EYS: variants seen among roughly 807,000 people sequenced by gnomAD.
EYS encodes EGF-like photoreceptor maintenance factor, also known as protein eyes shut homolog.
A neutral mutation model predicts 282.1 loss-of-function variants in EYS; 250 were observed. The observed-to-expected ratio is 0.89, with a 90% CI of 0.80 to 0.98. The LOEUF (loss-of-function observed/expected upper bound fraction) is 0.98. Ranked by LOEUF, EYS falls within the 50% of genes least tolerant of loss-of-function variation. The pLI, the probability that EYS is intolerant of heterozygous loss-of-function variation, is 0.00. For synonymous variants in EYS, 1,355 were observed against 1,282.9 expected (o/e 1.06, Z -1.20); for missense variants, 4,016 against 3,709.0 (o/e 1.08, Z -2.15).
intron 8 of EYS, among the ~76,000 whole-genome samples, chr6:65,378,248 A>G (rs1320207708): frequency 2.0e-5 from 3 of 152,192 alleles, no homozygotes; most frequent in African/African-American, 7.2e-5. Context: ...CTTCTCCAAA[A>G]GAAGACATTT....
chr6:65,486,616 T>C (rs1390420787), intron 5 of EYS, among the ~76,000 whole-genome samples: 1 of 152,132 alleles, frequency 6.6e-6, no homozygotes, highest in Non-Finnish European at 1.5e-5. Context: ...ATTTTAAATA[T>C]TATAACAGTG....
intron 12 of EYS, among the ~76,000 whole-genome samples, chr6:65,124,151 T>G (rs1157211480): frequency 6.6e-6 from 1 of 151,900 alleles, no homozygotes; most frequent in African/African-American, 2.4e-5. Context: ...CCAGCCTCAG[T>G]TACAAAGTGA....
intron 19 of EYS, among the ~76,000 whole-genome samples, chr6:64,861,836 T>A (rs187787001): frequency 6.6e-6 from 1 of 152,342 alleles, no homozygotes; most frequent in East Asian, 1.9e-4. Flanking sequence ...GAAGATATTT[T>A]GTTTTACCTT....
intron 35 of EYS, among the ~76,000 whole-genome samples, chr6:63,973,348 T>C (rs1766680032): frequency 6.6e-6 from 1 of 152,152 alleles, no homozygotes; most frequent in African/African-American, 2.4e-5. Flanking sequence ...GTCACATAAA[T>C]GTCTTCTTTT....
chr6:64,085,325 TGCGCACGTGCGC>T (rs1390126456), intron 31 of EYS, among the ~76,000 whole-genome samples: 1 of 81,916 alleles, frequency 1.2e-5, no homozygotes, highest in African/African-American at 7.7e-5. Flanking sequence ...CGCGCGCGCG[TGCGCACGTGCGC>T]GCGCACACAC....
At chr6:64,415,010 C>T (rs1774018834) in intron 28 of EYS, among the ~76,000 whole-genome samples, 1 of 152,086 alleles carries the variant, frequency 6.6e-6, no homozygotes, top group East Asian at 1.9e-4. Context: ...CTCTAATTTT[C>T]TAATAAAATT....
At chr6:65,559,751 C>T (rs1322686509) in intron 2 of EYS, among the ~76,000 whole-genome samples, 1 of 151,928 alleles carries the variant, frequency 6.6e-6, no homozygotes, top group Admixed American at 6.6e-5. Context: ...TTTTGATACA[C>T]TAATAATATA....
chr6:63,926,917 T>C (rs1764732516), intron 35 of EYS, among the ~76,000 whole-genome samples: 1 of 152,230 alleles, frequency 6.6e-6, no homozygotes, highest in Non-Finnish European at 1.5e-5. Context: ...TAAGCAGATA[T>C]AAGATTTCAA....
chr6:64,065,396 T>G (rs1771327529), intron 33 of EYS, among the ~76,000 whole-genome samples: 1 of 152,204 alleles, frequency 6.6e-6, no homozygotes, highest in South Asian at 2.1e-4. Flanking sequence ...AAATTTGAGC[T>G]ATACTGATGA....
chr6:65,593,675 ATAGCAAATTCATGTATTTCCCACGATAT>A (rs1450157028), intron 2 of EYS, among the ~76,000 whole-genome samples: 1 of 151,958 alleles, frequency 6.6e-6, no homozygotes, highest in Admixed American at 6.6e-5. Flanking sequence ...TTACTCTCCC[ATAGCAAATTCATGTATTTCCCACGATAT>A]TATTTTTTTA....
chr6:64,580,100 G>T (rs1766012472), intron 26 of EYS, among the ~76,000 whole-genome samples: 1 of 152,068 alleles, frequency 6.6e-6, no homozygotes, highest in African/African-American at 2.4e-5. Flanking sequence ...GTTCATAGAA[G>T]CTTTCATAGC....
Position 64,222,710 on chromosome 6 carries a change from T to C in EYS, c.6424+7882A>G, listed in dbSNP as rs1487624087. Among the ~76,000 whole-genome samples, 3 of 152,148 alleles carry C rather than the reference T, an allele frequency of 2.0e-5. No individual in the cohort carries two copies. In the South Asian group the frequency reaches 6.2e-4, roughly 32 times the overall value. ...AGTTATCTGAAAATGTGTTCTCCTA[T>C]GGAAAAGCATAGTGTTTTCTTTGAA... On this transcript the variant is annotated intron_variant, in intron 31 of 42. Coordinates refer to ENST00000503581, the MANE Select transcript of EYS (RefSeq NM_001142800.2).
chr6:65,634,336 T>A (rs1767017315), intron 2 of EYS, among the ~76,000 whole-genome samples: 1 of 152,176 alleles, frequency 6.6e-6, no homozygotes, highest in Non-Finnish European at 1.5e-5. Flanking sequence ...TGATTATAAT[T>A]TAAAAAAATT....
intron 12 of EYS, among the ~76,000 whole-genome samples, chr6:65,167,031 A>G (rs566675253): frequency 6.6e-6 from 1 of 151,266 alleles, no homozygotes; most frequent in African/African-American, 2.4e-5. Context: ...ACAATTAAAA[A>G]AAGATGTAAC....
At chr6:64,553,853 A>G (rs992771106) in intron 26 of EYS, among the ~76,000 whole-genome samples, 45 of 152,242 alleles carry the variant, frequency 3.0e-4, no homozygotes, top group African/African-American at 1.1e-3. Context: ...TCATTTTCAT[A>G]TTCCTAATAA....
intron 39 of EYS, 95 bp downstream of exon 39, chr6:63,788,010 G>T: frequency 1.1e-6 from 1 of 907,772 alleles, no homozygotes; most frequent in Non-Finnish European, 1.6e-6. Context: ...AATCCATATA[G>T]CTGGTTTGGG....
intron 12 of EYS, among the ~76,000 whole-genome samples, chr6:65,224,681 C>G (rs775495640): frequency 9.9e-5 from 15 of 151,908 alleles, no homozygotes; most frequent in Non-Finnish European, 1.9e-4. Context: ...GGAGAGAATA[C>G]TCAAATCACT....
chr6:63,970,776 C>T (rs1267632209), intron 35 of EYS, among the ~76,000 whole-genome samples: 3 of 152,102 alleles, frequency 2.0e-5, no homozygotes, highest in Non-Finnish European at 4.4e-5. Flanking sequence ...TCAATGTGTA[C>T]TTTGTCTTCA....
chr6:64,900,475 TA>T (rs1767619627), intron 18 of EYS, among the ~76,000 whole-genome samples: 1 of 152,112 alleles, frequency 6.6e-6, no homozygotes, highest in Non-Finnish European at 1.5e-5. Context: ...TTTTGCAATA[TA>T]TCCATCTGGG....
Sources: gnomAD v4.1 joint callset for allele counts (sites outside exome capture counted in the v4.1 genomes callset) on GRCh38, gnomAD v4.1.1 for gene constraint, MANE v1.5 for transcripts, NCBI Gene and HGNC (gene_info 2026-07-23, HGNC 2026-07-21) for gene names.